AGBL4: variants seen among roughly 807,000 people sequenced by gnomAD.
The protein encoded by AGBL4 is cytosolic carboxypeptidase 6.
AGBL4 carries 58 observed loss-of-function variants against 66.4 expected under a neutral mutation model. The observed-to-expected ratio is 0.87, with a 90% confidence interval of 0.71 to 1.09. AGBL4 has a LOEUF of 1.09. AGBL4 is among the 50% of genes least tolerant of loss of function. The pLI is 0.00. For missense variants in AGBL4, 579 were observed against 631.0 expected, an observed-to-expected ratio of 0.92 and a Z score of 0.88; for synonymous variants, 234 against 222.9, an observed-to-expected ratio of 1.05 and a Z score of -0.44.
chr1:49,787,888 G>T (rs1027346803), intron 2 of AGBL4, among the ~76,000 whole-genome samples: 2 of 151,934 alleles, frequency 1.3e-5, no homozygotes, highest in African/African-American at 2.4e-5. Context: ...GGGGAAGGGG[G>T]TGTCAGTCAC....
intron 3 of AGBL4, among the ~76,000 whole-genome samples, chr1:49,383,804 T>TATATA: frequency 6.9e-6 from 1 of 145,042 alleles, no homozygotes; most frequent in African/African-American, 2.5e-5. Flanking sequence ...TATATATATA[T>TATATA]TTTTTTTTTT....
chr1:49,940,403 T>A (rs1571917395), intron 1 of AGBL4, among the ~76,000 whole-genome samples: 2 of 152,110 alleles, frequency 1.3e-5, no homozygotes, highest in Non-Finnish European at 2.9e-5. Flanking sequence ...CATGCACACA[T>A]ATGTTTATTG....
chr1:48,829,586 C>G (rs1269710562), intron 6 of AGBL4, among the ~76,000 whole-genome samples: 1 of 152,110 alleles, frequency 6.6e-6, no homozygotes, highest in African/African-American at 2.4e-5. Flanking sequence ...ATTATTCCTC[C>G]TCACCCTTGA....
intron 3 of AGBL4, among the ~76,000 whole-genome samples, chr1:49,485,039 G>A (rs1398759536): frequency 1.3e-5 from 2 of 152,040 alleles, no homozygotes; most frequent in African/African-American, 4.8e-5. Context: ...CATTGGGGAA[G>A]TCAGTGTGGC....
downstream of AGBL4, among the ~76,000 whole-genome samples, chr1:48,530,591 T>C (rs1247902734): frequency 2.0e-5 from 3 of 152,258 alleles, no homozygotes; most frequent in African/African-American, 7.2e-5. Context: ...AAGCAAACAT[T>C]ATCACCAACC....
chr1:49,875,147 A>T (rs1646954655), intron 1 of AGBL4, among the ~76,000 whole-genome samples: 1 of 138,558 alleles, frequency 7.2e-6, no homozygotes, highest in African/African-American at 2.7e-5. Flanking sequence ...TATTATTACT[A>T]TTATTATTAT....
chr1:49,249,986 A>G (rs1198071530), intron 3 of AGBL4, among the ~76,000 whole-genome samples: 2 of 152,230 alleles, frequency 1.3e-5, no homozygotes, highest in Admixed American at 1.3e-4. Context: ...AAAGATAAAT[A>G]TTGCATGTTT....
At chr1:49,251,143 G>T (rs1652028785) in intron 3 of AGBL4, among the ~76,000 whole-genome samples, 1 of 152,102 alleles carries the variant, frequency 6.6e-6, no homozygotes, top group Non-Finnish European at 1.5e-5. Context: ...GGTTCCCTGG[G>T]GCCCCAAACC....
chr1:48,644,623 G>A (rs1192013699), intron 8 of AGBL4, among the ~76,000 whole-genome samples: 1 of 152,224 alleles, frequency 6.6e-6, no homozygotes, highest in Non-Finnish European at 1.5e-5. Flanking sequence ...AAGCACAGAT[G>A]TGAGCAAGAG....
chr1:48,980,195 T>G (rs555512694), intron 5 of AGBL4, among the ~76,000 whole-genome samples: 2 of 152,296 alleles, frequency 1.3e-5, no homozygotes, highest in South Asian at 4.1e-4. Context: ...GAGACATTGC[T>G]TTTTTGCTTT....
chr1:49,053,132 T>C (rs894946568), intron 4 of AGBL4, among the ~76,000 whole-genome samples: 2 of 152,156 alleles, frequency 1.3e-5, no homozygotes, highest in Admixed American at 6.6e-5. Flanking sequence ...TGCTCTTTCT[T>C]GGTTGGGAAC....
intron 3 of AGBL4, among the ~76,000 whole-genome samples, chr1:49,695,191 CT>C (rs1646960904): frequency 6.6e-6 from 1 of 152,072 alleles, no homozygotes; most frequent in Non-Finnish European, 1.5e-5. Flanking sequence ...GCAGATTATA[CT>C]GCTTCTAAGA....
intron 1 of AGBL4, among the ~76,000 whole-genome samples, chr1:49,951,782 A>C (rs573971283): frequency 1.7e-4 from 26 of 152,124 alleles, no homozygotes; most frequent in African/African-American, 6.0e-4. Flanking sequence ...TATGTAAATC[A>C]AAACATTACA....
At chr1:49,796,028 TA>T (rs1389524001) in intron 2 of AGBL4, among the ~76,000 whole-genome samples, 1 of 151,824 alleles carries the variant, frequency 6.6e-6, no homozygotes, top group Admixed American at 6.6e-5. Context: ...GCCACAATGA[TA>T]ACTAAGACTT....
At chr1:49,044,598 C>T (rs1395805692) in intron 5 of AGBL4, among the ~76,000 whole-genome samples, 3 of 152,116 alleles carry the variant, frequency 2.0e-5, no homozygotes, top group East Asian at 3.9e-4. Flanking sequence ...ACTGTGTTAC[C>T]TCACATAACA....
chr1:49,465,920 T>C lies in AGBL4; in HGVS notation c.283-220056A>G, dbSNP rs1293762042. Reference sequence around the variant, plus strand: ...AGAAGGCGTCTTAAGGGAGAAAGATTGCTAAATCAAATGGTTTAGATGAAA... The same window carrying C: ...AGAAGGCGTCTTAAGGGAGAAAGATCGCTAAATCAAATGGTTTAGATGAAA... On this transcript the variant is annotated intron_variant, in intron 3 of 13. Transcript: ENST00000371839. Among the ~76,000 whole-genome samples, 3 of 151,810 alleles carry C rather than the reference T, an allele frequency of 2.0e-5. 1 individual carries two copies. Among genetic ancestry groups the C allele is most frequent in the Non-Finnish European group, 4.4e-5 (3 of 67,872 alleles).
chr1:49,778,418 C>A (rs920175240), intron 2 of AGBL4, among the ~76,000 whole-genome samples: 1 of 152,146 alleles, frequency 6.6e-6, no homozygotes, highest in Non-Finnish European at 1.5e-5. Context: ...CCCAGGATAC[C>A]TGAGTCCCTG....
At chr1:49,967,501 C>G (rs575588748) in intron 1 of AGBL4, among the ~76,000 whole-genome samples, 1 of 151,084 alleles carries the variant, frequency 6.6e-6, no homozygotes, top group Non-Finnish European at 1.5e-5. Flanking sequence ...TATCACATAC[C>G]GGGGCCTGTC....
At chr1:49,722,845 A>T (rs1284482293) in intron 2 of AGBL4, among the ~76,000 whole-genome samples, 1 of 152,148 alleles carries the variant, frequency 6.6e-6, no homozygotes, top group Non-Finnish European at 1.5e-5. Flanking sequence ...GTAACTGAGA[A>T]AGAAAAAATT....
Sources: gnomAD v4.1 joint callset for allele counts (sites outside exome capture counted in the v4.1 genomes callset) on GRCh38, gnomAD v4.1.1 for gene constraint, MANE v1.5 for transcripts, NCBI Gene and HGNC (gene_info 2026-07-23, HGNC 2026-07-21) for gene names.